The following AFAP1L2 variants were observed in gnomAD, a reference collection of about 807,000 sequenced individuals.
The protein encoded by AFAP1L2 is actin filament-associated protein 1-like 2.
AFAP1L2 carries 46 observed loss-of-function variants against 99.3 expected under a neutral mutation model. The observed-to-expected ratio is 0.46, with a 90% CI of 0.37 to 0.59. The LOEUF (loss-of-function observed/expected upper bound fraction) is 0.59. Among genes scored for constraint, AFAP1L2 ranks in the 20% least tolerant of loss-of-function variants. The probability of loss-of-function intolerance (pLI) is 0.00; values close to 1 mark genes in which losing one functional copy is unlikely to be tolerated. For missense variants in AFAP1L2, 959 were observed against 1,034.9 expected (o/e 0.93, Z 1.01); for synonymous variants, 397 against 419.1 (o/e 0.95, Z 0.64).
At chr10:114,287,976 A>G in the AFAP1L2 span, among the ~76,000 whole-genome samples, 1 of 152,182 alleles carries the variant, frequency 6.6e-6, no homozygotes, top group Admixed American at 6.5e-5. Context: ...AGTTTCTCAG[A>G]CGTTCCTGGT....
chr10:114,326,332 A>G (rs1466291985), intron 4 of AFAP1L2, among the ~76,000 whole-genome samples: 1 of 152,222 alleles, frequency 6.6e-6, no homozygotes, highest in Non-Finnish European at 1.5e-5. Flanking sequence ...ACTCCTCACT[A>G]GCTGCCTCAT....
At position 114,295,543 on chromosome 10, in the gene AFAP1L2, T is replaced by A. The variant is rs372525605; in HGVS notation, c.*499A>T. 6.1e-6 allele frequency: 6 copies of A among 985,766 alleles called. No homozygotes were observed. In the East Asian group the frequency reaches 3.4e-4, roughly 56 times the overall value. 61.1% of individuals were successfully genotyped at this position (985,766 alleles called of 1,614,324 possible). On this transcript the variant is annotated 3_prime_UTR_variant, in exon 19 of 19. Transcript: ENST00000304129. ...CTGTTTAAAATCACTGAAGACTGAGTTGGGCCTGGTAATATTGGAGAGAAC... is the reference window on the plus strand; with the variant it reads ...CTGTTTAAAATCACTGAAGACTGAGATGGGCCTGGTAATATTGGAGAGAAC...
At chr10:114,336,756 G>A (rs1463854539) in intron 2 of AFAP1L2, among the ~76,000 whole-genome samples, 1 of 152,146 alleles carries the variant, frequency 6.6e-6, no homozygotes, top group Non-Finnish European at 1.5e-5. Context: ...GCTGTCACTG[G>A]TGAAGGCTAG....
At chr10:114,327,147 T>TATATATATATATATATATATATATATATA (rs2046408453) in intron 4 of AFAP1L2, among the ~76,000 whole-genome samples, 1 of 54,570 alleles carries the variant, frequency 1.8e-5, no homozygotes, top group African/African-American at 4.1e-5. Flanking sequence ...TTATATATAT[T>TATATATATATATATATATATATATATATA]TATATATATA....
At chr10:114,289,249 GC>G in the AFAP1L2 span, 9 of 1,613,980 alleles carry the variant, frequency 5.6e-6, no homozygotes, top group Non-Finnish European at 7.6e-6. Context: ...CCAGAGGGGT[GC>G]CCGGCCTGGT....
At chr10:114,333,440 T>C (rs1420890765) in intron 2 of AFAP1L2, 145 bp from the exon 3 acceptor site, 1 of 645,064 alleles carries the variant, frequency 1.6e-6, no homozygotes, top group Admixed American at 2.7e-5. Flanking sequence ...GAAAGAATAG[T>C]CCAACATGCA....
At chr10:114,291,469 G>A (rs2133746968), downstream of AFAP1L2, 1 of 534,650 alleles carries the variant, frequency 1.9e-6, no homozygotes, top group Non-Finnish European at 3.2e-6. Flanking sequence ...CACAAACGAT[G>A]TTGTTGAAAA....
the AFAP1L2 span, chr10:114,288,848 T>C: frequency 7.0e-7 from 1 of 1,432,462 alleles, no homozygotes; most frequent in Non-Finnish European, 9.5e-7. Flanking sequence ...TGGCTGACCT[T>C]GGTCCTACCC....
intron 1 of AFAP1L2, among the ~76,000 whole-genome samples, chr10:114,374,683 A>T (rs1390216474): frequency 6.6e-6 from 1 of 151,934 alleles, no homozygotes; most frequent in Non-Finnish European, 1.5e-5. Flanking sequence ...GAAAAAAAAA[A>T]TGCAGCTGTT....
rs913916685 is a variant in AFAP1L2, at chr10:114,294,890, A to G, written c.*1152T>C. ...CTCACCACTTGGTAAAAGGTCACCA[A>G]ATGTTTATGAGAGAGGAAATAAGAA... On this transcript the variant is annotated 3_prime_UTR_variant, in exon 19 of 19. Transcript: ENST00000304129. The G allele has an allele frequency of 8.5e-5, 84 of 982,836 alleles. No homozygotes were observed. Among genetic ancestry groups the G allele is most frequent in the Non-Finnish European group, 9.9e-5 (82 of 827,710 alleles). 60.9% of individuals were successfully genotyped at this position (982,836 alleles called of 1,614,324 possible).
chr10:114,400,768 A>C lies in AFAP1L2; in HGVS notation c.16+3672T>G, dbSNP rs140116812. Among the ~76,000 whole-genome samples, 326 of 152,342 alleles carry C rather than the reference A, an allele frequency of 2.1e-3. 1 individual carries two copies. The highest frequency in any genetic ancestry group is 7.6e-3 in the African/African-American group (316 of 41,574). On this transcript the variant is annotated intron_variant, in intron 1 of 18. Coordinates refer to ENST00000304129, the MANE Select transcript of AFAP1L2 (RefSeq NM_001001936.3). Reference sequence around the variant, plus strand: ...GGAATCACCTGAAGACCTTTAAAAAATACAATGCCCAAGCTGTACCCTAGA... The same window carrying C: ...GGAATCACCTGAAGACCTTTAAAAACTACAATGCCCAAGCTGTACCCTAGA...
intron 1 of AFAP1L2, among the ~76,000 whole-genome samples, chr10:114,389,730 C>T (rs1384229920): frequency 6.6e-6 from 1 of 152,198 alleles, no homozygotes; most frequent in Non-Finnish European, 1.5e-5. Context: ...CTACAGCCCT[C>T]GCAGTCAAAT....
the AFAP1L2 span, chr10:114,285,805 G>C: frequency 1.0e-6 from 1 of 953,002 alleles, no homozygotes; most frequent in East Asian, 2.7e-5. Context: ...GACGAGCACG[G>C]GTCACTTAAG....
intron 1 of AFAP1L2, among the ~76,000 whole-genome samples, chr10:114,393,029 C>T (rs750169927): frequency 9.2e-5 from 14 of 152,148 alleles, no homozygotes; most frequent in African/African-American, 2.9e-4. Flanking sequence ...ACGCATGTGC[C>T]CCTATCATAC....
chr10:114,307,980 A>G (rs1590015392), intron 9 of AFAP1L2, 71 bp from the exon 10 acceptor site: 1 of 1,368,994 alleles, frequency 7.3e-7, no homozygotes, highest in Non-Finnish European at 1.0e-6. Context: ...AGATGGAAAA[A>G]ATAGCAAACC....
intron 1 of AFAP1L2, among the ~76,000 whole-genome samples, chr10:114,345,106 A>G (rs2049336143): frequency 6.6e-6 from 1 of 151,920 alleles, no homozygotes; most frequent in Non-Finnish European, 1.5e-5. Context: ...CAAAAAAAAA[A>G]AAAAAGGAAA....
the AFAP1L2 span, chr10:114,289,118 G>T: frequency 5.0e-6 from 8 of 1,613,960 alleles, no homozygotes; most frequent in Non-Finnish European, 6.8e-6. Context: ...ACTGCCTTCG[G>T]GCTGGACACC....
chr10:114,383,584 T>C (rs1459195371), intron 1 of AFAP1L2, among the ~76,000 whole-genome samples: 1 of 152,200 alleles, frequency 6.6e-6, no homozygotes, highest in Admixed American at 6.5e-5. Flanking sequence ...CATAAAAATA[T>C]AGATGTAAAA....
chr10:114,400,926 C>T (rs1263673318), intron 1 of AFAP1L2, among the ~76,000 whole-genome samples: 1 of 152,166 alleles, frequency 6.6e-6, no homozygotes, highest in Non-Finnish European at 1.5e-5. Context: ...AACCTGAGTT[C>T]GTAGGCATTG....
Sources: allele counts gnomAD v4.1 joint callset (sites outside exome capture counted in the v4.1 genomes callset), GRCh38; gene constraint gnomAD v4.1.1; transcripts MANE v1.5; gene names NCBI Gene and HGNC (gene_info 2026-07-23, HGNC 2026-07-21).